VPS54: variants seen among roughly 807,000 people sequenced by gnomAD.
VPS54 encodes the protein vacuolar protein sorting-associated protein 54.
VPS54 carries 45 observed loss-of-function variants against 121.5 expected under a neutral mutation model. The observed-to-expected ratio is 0.37, with a 90% confidence interval of 0.29 to 0.47. The LOEUF is 0.47. Among genes scored for constraint, VPS54 ranks in the 20% least tolerant of loss-of-function variants. The pLI, the probability that VPS54 is intolerant of heterozygous loss-of-function variation, is 0.99. For missense variants in VPS54, 1,090 were observed against 1,131.4 expected (o/e 0.96, Z 0.52); for synonymous variants, 371 against 385.8 (o/e 0.96, Z 0.45).
rs773762453 is a variant in VPS54 at position 63,957,209 on chromosome 2, A to G, written c.1010+4849T>C. 4.6e-5 allele frequency among the ~76,000 whole-genome samples: 7 copies of G among 152,190 alleles called. No homozygotes were observed. The South Asian group carries it at 8.3e-4, about 18-fold the overall frequency. ...TGTAATCCCAGCACTTTGGGAGGCCAAGGCGGGCGGATCACGAGGTCAGGA... is the reference window on the plus strand; with the variant it reads ...TGTAATCCCAGCACTTTGGGAGGCCGAGGCGGGCGGATCACGAGGTCAGGA... On this transcript the variant is annotated intron_variant, in intron 7 of 22. Transcript: ENST00000272322.
chr2:64,014,957 A>AG (rs1224294322), intron 1 of VPS54, among the ~76,000 whole-genome samples: 1 of 152,154 alleles, frequency 6.6e-6, no homozygotes, highest in Non-Finnish European at 1.5e-5. Context: ...TGGAGCTCAT[A>AG]GGGGAAAAAA....
chr2:63,979,819 T>C lies in VPS54; in HGVS notation c.378+1827A>G, dbSNP rs1259335707. On this transcript the variant is annotated intron_variant, in intron 3 of 22. Transcript: ENST00000272322. ...TTTCCATTATTAATTTCTATTTTAA[T>C]TATACTGTGGTCAGAGAGCATACTG... 9.2e-5 allele frequency among the ~76,000 whole-genome samples: 14 copies of C among 152,358 alleles called. No homozygotes were observed. The South Asian group carries it at 2.9e-3, about 32-fold the overall frequency.
In VPS54 at chr2:63,893,221, T is replaced by TA; in HGVS notation, c.*208dup. 1 of 628,702 alleles carries TA rather than the reference T, an allele frequency of 1.6e-6. No homozygotes were observed. Among genetic ancestry groups the TA allele is most frequent in the Non-Finnish European group, 2.9e-6 (1 of 346,792 alleles). The allele number at this position is 628,702 out of a possible 1,614,324, so 38.9% of individuals were successfully genotyped here. ...AAAATGTTATAGACACCTGATCAGT[T>TA]ACTCCTCACTGTAGGATGCACAAAA... On this transcript the variant is annotated 3_prime_UTR_variant, in exon 23 of 23. Transcript: ENST00000272322.
intron 1 of VPS54, among the ~76,000 whole-genome samples, chr2:63,991,384 A>G (rs1283829122): frequency 2.0e-5 from 3 of 152,186 alleles, no homozygotes; most frequent in Non-Finnish European, 4.4e-5. Flanking sequence ...GACAAAATTT[A>G]CCTGATCACG....
intron 1 of VPS54, among the ~76,000 whole-genome samples, chr2:63,995,409 T>G (rs1344700949): frequency 6.6e-6 from 1 of 152,238 alleles, no homozygotes; most frequent in African/African-American, 2.4e-5. Flanking sequence ...GCCCAGACCT[T>G]GGGAATCCTC....
chr2:63,983,981 A>G lies in VPS54; in HGVS notation c.19T>C (p.Ser7Pro), dbSNP rs368083568. MASSHS[S>P]SPVPQGSSSD... ...CTGCTTCCTTGAGGCACTGGTGAAG[A>G]ACTGTGGCTTGAAGCCATTGCATAA... The change falls in exon 2 of 23, where the codon TCT becomes CCT. Residue 7 changes from serine to proline, a missense_variant. Transcript: ENST00000272322. 6.2e-7 allele frequency: 1 copy of G among 1,611,780 alleles called. No homozygotes were observed. Among genetic ancestry groups the G allele is most frequent in the East Asian group, 2.2e-5 (1 of 44,850 alleles).
At chr2:63,937,827 AG>A (rs1402018074) in intron 11 of VPS54, among the ~76,000 whole-genome samples, 1 of 152,208 alleles carries the variant, frequency 6.6e-6, no homozygotes, top group African/African-American at 2.4e-5. Flanking sequence ...AGCCTTAAAA[AG>A]GAAGGAAATT....
At chr2:63,926,246 C>G (rs1374172905) in intron 12 of VPS54, among the ~76,000 whole-genome samples, 1 of 152,198 alleles carries the variant, frequency 6.6e-6, no homozygotes, top group Non-Finnish European at 1.5e-5. Context: ...TCTCCTACCT[C>G]TGAAATGTTA....
At chr2:63,911,089 TA>T (rs35326152) in intron 20 of VPS54, among the ~76,000 whole-genome samples, 87,395 of 151,902 alleles carry the variant, frequency 0.58, 26,646 homozygotes, top group African/African-American at 0.76. Flanking sequence ...TACAGTCTTC[TA>T]ACCTTGTTAG....
chr2:63,925,040 T>C (rs1192288739), intron 12 of VPS54, among the ~76,000 whole-genome samples: 2 of 152,082 alleles, frequency 1.3e-5, no homozygotes, highest in African/African-American at 4.8e-5. Flanking sequence ...GCATAAATCA[T>C]AAAGGAAAGT....
intron 1 of VPS54, among the ~76,000 whole-genome samples, chr2:63,993,723 C>T (rs1275029282): frequency 2.6e-5 from 4 of 152,058 alleles, no homozygotes; most frequent in African/African-American, 7.2e-5. Context: ...ATTCATTATC[C>T]AAAAAACAAA....
At chr2:63,919,680 T>G (rs1408899133) in intron 15 of VPS54, among the ~76,000 whole-genome samples, 2 of 152,128 alleles carry the variant, frequency 1.3e-5, no homozygotes, top group Non-Finnish European at 2.9e-5. Context: ...TGGTCCAGTG[T>G]CTGGCATATG....
At chr2:63,989,696 A>C (rs1677224834) in intron 1 of VPS54, among the ~76,000 whole-genome samples, 2 of 152,168 alleles carry the variant, frequency 1.3e-5, no homozygotes, top group African/African-American at 2.4e-5. Context: ...GAATTTGTCC[A>C]GGTTAACTAC....
Position 63,969,007 on chromosome 2 carries a change from G to A in VPS54, c.458-16C>T, listed in dbSNP as rs1676144980. 6.3e-7 allele frequency: 1 copy of A among 1,585,250 alleles called. No homozygotes were observed. ...CTGGATTTATCTATTTAAAAAAGAAGGGAAATATTATTTTTAAAACTTGTT... is the reference window on the plus strand; with the variant it reads ...CTGGATTTATCTATTTAAAAAAGAAAGGAAATATTATTTTTAAAACTTGTT... On this transcript the variant is annotated splice_polypyrimidine_tract_variant and intron_variant, in intron 4 of 22. Coordinates refer to ENST00000272322, the MANE Select transcript of VPS54 (RefSeq NM_016516.3).
intron 22 of VPS54, 36 bp from the exon 23 acceptor site, chr2:63,893,571 A>C: frequency 1.3e-6 from 2 of 1,562,850 alleles, no homozygotes; most frequent in Non-Finnish European, 1.8e-6. Context: ...TTTAAATCTC[A>C]AACTTTCTAT....
intron 20 of VPS54, among the ~76,000 whole-genome samples, chr2:63,904,438 C>CAAA (rs58651830): frequency 0.16 from 3,208 of 19,938 alleles, 892 homozygotes; most frequent in Non-Finnish European, 0.22. Context: ...GACTTGGTCT[C>CAAA]AAAAAAAAAA....
chr2:63,933,834 C>T lies in VPS54; in HGVS notation c.1578G>A (p.Glu526=). 1 of 1,613,858 alleles carries T rather than the reference C, an allele frequency of 6.2e-7. No homozygotes were observed. The highest frequency in any genetic ancestry group is 8.5e-7 in the Non-Finnish European group (1 of 1,179,846). ...TAGTGTCAACTGCTATAGGTGTTAG[C>T]TCACCCTCACCGAATGCATCACTTA... ...MFISDAFGEG[E]LTPIAVDTTS... is the part of the protein sequence containing the mutation. The change falls in exon 12 of 23, where the codon GAG becomes GAA. Residue 526 remains glutamate (E), a synonymous_variant. Transcript: ENST00000272322.
At chr2:63,920,033 C>T in intron 14 of VPS54, 38 bp from the exon 15 acceptor site, 1 of 1,508,474 alleles carries the variant, frequency 6.6e-7, no homozygotes, top group Non-Finnish European at 9.1e-7. Context: ...TAAACTTTAA[C>T]ATTTCAATAC....
intron 12 of VPS54, 23 bp from the exon 13 acceptor site, chr2:63,921,358 T>C (rs1673637418): frequency 5.0e-6 from 8 of 1,608,908 alleles, no homozygotes; most frequent in Non-Finnish European, 6.8e-6. Flanking sequence ...AAATAAGATT[T>C]AGTCAGGGAA....
Sources: allele counts gnomAD v4.1 joint callset (sites outside exome capture counted in the v4.1 genomes callset), GRCh38; gene constraint gnomAD v4.1.1; transcripts MANE v1.5; gene names NCBI Gene and HGNC (gene_info 2026-07-23, HGNC 2026-07-21).